SF3B1: variants seen among roughly 807,000 people sequenced by gnomAD.
The protein encoded by SF3B1 is splicing factor 3b subunit 1.
In SF3B1, 12 loss-of-function variants were observed where a neutral mutation model predicts 153.8. The observed-to-expected ratio is 0.08, with a 90% CI of 0.05 to 0.13. SF3B1 has a LOEUF of 0.13. Ranked by LOEUF, SF3B1 falls within the 10% of genes least tolerant of loss-of-function variation. The pLI is 1.00. For missense variants in SF3B1, 513 were observed against 1,606.1 expected (o/e 0.32, Z 11.63); for synonymous variants, 498 against 525.2 (o/e 0.95, Z 0.71).
In SF3B1 at chr2:197,403,539, A is replaced by C. The variant is rs561554617; in HGVS notation, c.1719+46T>G. ...TAAATTTAACATTGATTAACTGAAA[A>C]AGTTAAAACTTTAAACTATCAGAAA... On this transcript the variant is annotated intron_variant, in intron 12 of 24. Transcript: ENST00000335508. The C allele has an allele frequency of 9.1e-6, 12 of 1,318,986 alleles. No individual in the cohort carries two copies. The South Asian group carries it at 1.7e-4, about 19-fold the overall frequency. The allele number at this position is 1,318,986 out of a possible 1,614,324, so 81.7% of individuals were successfully genotyped here. A position where few individuals can be genotyped will look rare whatever the true frequency, so the allele number is the denominator to read the frequency against.
intron 22 of SF3B1, among the ~76,000 whole-genome samples, chr2:197,397,752 G>C (rs2105979011): frequency 6.7e-6 from 1 of 149,504 alleles, no homozygotes; most frequent in Non-Finnish European, 1.5e-5. Flanking sequence ...AGCCGAGATT[G>C]AATCACTGCA....
chr2:197,411,480 T>C (rs2085066706), intron 6 of SF3B1, among the ~76,000 whole-genome samples: 1 of 151,918 alleles, frequency 6.6e-6, no homozygotes, highest in Non-Finnish European at 1.5e-5. Flanking sequence ...GAGACCATCC[T>C]GGCTAACATG....
rs55824221 is a variant in SF3B1, at chr2:197,424,543, C to A, written c.29-569G>T. Among the ~76,000 whole-genome samples, 1,138 of 150,904 alleles carry A rather than the reference C, an allele frequency of 7.5e-3. 12 individuals are homozygous for A. Among genetic ancestry groups the A allele is most frequent in the African/African-American group, 0.025 (1,014 of 41,114 alleles). ...AAAATATCATCTAACAAACATATAA[C>A]CTAGCTTAAAATGTCCCCAGTTGCC... On this transcript the variant is annotated intron_variant, in intron 1 of 24. Transcript: ENST00000335508.
intron 1 of SF3B1, among the ~76,000 whole-genome samples, chr2:197,430,494 G>A (rs1574561044): frequency 1.3e-5 from 2 of 152,122 alleles, no homozygotes; most frequent in Non-Finnish European, 2.9e-5. Flanking sequence ...TCACTCTGTT[G>A]CCCAAACTGA....
chr2:197,416,992 A>C, intron 5 of SF3B1, 81 bp from the exon 6 acceptor site: 2 of 1,347,348 alleles, frequency 1.5e-6, no homozygotes, highest in Non-Finnish European at 2.1e-6. Context: ...TCCACTTAAC[A>C]TCCTATTTTA....
intron 5 of SF3B1, 81 bp from the exon 6 acceptor site, chr2:197,416,992 ATCC>A: frequency 7.4e-7 from 1 of 1,347,352 alleles, no homozygotes; most frequent in Middle Eastern, 2.5e-4. Flanking sequence ...TCCACTTAAC[ATCC>A]TATTTTATAC....
In SF3B1 at chr2:197,390,874, T is replaced by G. The variant is rs1011678494; in HGVS notation, c.*1429A>C. On this transcript the variant is annotated 3_prime_UTR_variant, in exon 25 of 25. Coordinates refer to ENST00000335508, the MANE Select transcript of SF3B1 (RefSeq NM_012433.4). ...CCTCAGCCTCCCAAAGTGCTGGGAT[T>G]ACAGGCATGAGCCACCACACCCGGC... The G allele has an allele frequency of 3.3e-5, 5 of 152,276 alleles. No homozygotes were observed. Among genetic ancestry groups the G allele is most frequent in the African/African-American group, 1.2e-4 (5 of 41,462 alleles). The allele number at this position is 152,276 out of a possible 1,614,324, so 9.4% of individuals were successfully genotyped here. A position where few individuals can be genotyped will look rare whatever the true frequency, so the allele number is the denominator to read the frequency against.
chr2:197,400,782 A>G lies in SF3B1; in HGVS notation c.2651T>C (p.Ile884Thr), dbSNP rs2084930237. The change falls in exon 18 of 25, where the codon ATT becomes ACT. Residue 884 changes from isoleucine to threonine, a missense_variant. Physicochemically the swap from Ile to Thr is moderately conservative, Grantham distance 89. Around this residue, in one of 21 missense-constraint regions of SF3B1, gnomAD observed 14 missense variants for 17.4 expected, o/e 0.80. Transcript: ENST00000335508. The surrounding 1 kb of genome is among the most constrained non-coding windows in gnomAD (Gnocchi z 5.0). ...KIMGNLGAAD[I>T]DHKLEEQLID... ...CAGTTGTTCTTCAAGTTTATGATCA[A>G]TATCTGCTGCTCCCAAATTACCCAT... 1.2e-6 allele frequency: 2 copies of G among 1,613,522 alleles called. No individual in the cohort carries two copies. The highest frequency in any genetic ancestry group is 1.7e-6 in the Non-Finnish European group (2 of 1,179,610).
At position 197,416,798 on chromosome 2, in the gene SF3B1, T is replaced by G. The variant is rs1261950772; in HGVS notation, c.609A>C (p.Thr203=). Residue 203 remains threonine (T), a synonymous_variant, in exon 6 of 25, where the codon ACA becomes ACC. Coordinates refer to ENST00000335508, the MANE Select transcript of SF3B1 (RefSeq NM_012433.4). ...PSKRKRRWDQ[T]ADQTPGATPK... Reference sequence around the variant, plus strand: ...GAGTGGCACCAGGAGTCTGATCAGCTGTTTGATCCCAACGCCGTTTTCGTT... The same window carrying G: ...GAGTGGCACCAGGAGTCTGATCAGCGGTTTGATCCCAACGCCGTTTTCGTT... The G allele has an allele frequency of 8.1e-6, 13 of 1,614,214 alleles. No homozygotes were observed. Among genetic ancestry groups the G allele is most frequent in the Non-Finnish European group, 1.1e-5 (13 of 1,180,022 alleles).
At chr2:197,426,015 G>A (rs1458363400) in intron 1 of SF3B1, among the ~76,000 whole-genome samples, 2 of 151,700 alleles carry the variant, frequency 1.3e-5, no homozygotes, top group Non-Finnish European at 2.9e-5. Context: ...CAGAAAGAAA[G>A]AAACTCAAAA....
chr2:197,393,001 G>A lies in SF3B1; in HGVS notation c.3727C>T (p.Pro1243Ser), dbSNP rs749492909. 1 of 1,610,698 alleles carries A rather than the reference G, an allele frequency of 6.2e-7. No individual in the cohort carries two copies. The highest frequency in any genetic ancestry group is 1.1e-5 in the South Asian group (1 of 90,998). The stretch of plus-strand genomic sequence containing the variant: ...AAACAATATTGCAACATTCTACATG[G>A]TCCAATAGCAACTCTCAGGCCCTCT... ...ALEGLRVAIG[P>S]CRMLQYCLQG... The change falls in exon 24 of 25, where the codon CCA (proline) becomes TCA (serine). Residue 1243 changes from proline to serine, a missense_variant. By Grantham distance (74) the Pro-to-Ser change is moderately conservative. Transcript: ENST00000335508.
At chr2:197,403,792 TG>T in intron 11 of SF3B1, 28 bp from the exon 12 acceptor site, 1 of 1,519,684 alleles carries the variant, frequency 6.6e-7, no homozygotes, top group Non-Finnish European at 8.8e-7. Flanking sequence ...GTAATAGGTG[TG>T]GTTTCTTTAT....
intron 1 of SF3B1, among the ~76,000 whole-genome samples, chr2:197,428,002 A>G (rs1323497213): frequency 6.6e-6 from 1 of 151,944 alleles, no homozygotes; most frequent in Non-Finnish European, 1.5e-5. Context: ...TAGGCGACAG[A>G]GCAAGACTCC....
At chr2:197,434,193 C>T (rs945427558) in intron 1 of SF3B1, among the ~76,000 whole-genome samples, 21 of 152,172 alleles carry the variant, frequency 1.4e-4, no homozygotes, top group African/African-American at 4.6e-4. Flanking sequence ...TCTCATGCCT[C>T]GTCTTTTCTG....
At chr2:197,405,044 CA>C in intron 11 of SF3B1, 31 bp downstream of exon 11, 4 of 1,407,378 alleles carry the variant, frequency 2.8e-6, no homozygotes, top group Non-Finnish European at 3.9e-6. Flanking sequence ...AAATAAGCAA[CA>C]AACATGACAA....
At chr2:197,403,812 ATT>A in intron 11 of SF3B1, 48 bp from the exon 12 acceptor site, 1 of 1,375,480 alleles carries the variant, frequency 7.3e-7, no homozygotes, top group Middle Eastern at 1.8e-4. Context: ...ATAATCAAAC[ATT>A]TTGAATGAGC....
intron 6 of SF3B1, among the ~76,000 whole-genome samples, chr2:197,415,322 A>G (rs1481313702): frequency 6.6e-6 from 1 of 151,982 alleles, no homozygotes; most frequent in Non-Finnish European, 1.5e-5. Flanking sequence ...GCGTAATCTC[A>G]GCTCACTACA....
chr2:197,409,845 C>A lies in SF3B1; in HGVS notation c.829G>T (p.Ala277Ser). Residue 277 changes from alanine to serine, a missense_variant, in exon 7 of 25, where the codon GCG becomes TCG. By Grantham distance (99) the Ala-to-Ser change is moderately conservative (BLOSUM62 1). Around this residue, in one of 21 missense-constraint regions of SF3B1, gnomAD observed 91 missense variants for 157.4 expected, o/e 0.58. Coordinates refer to ENST00000335508, the MANE Select transcript of SF3B1 (RefSeq NM_012433.4). ...GTTGCGCCTCCATGGCCTGGTGTCG[C>A]ATGGCCTGGTGTATCACCTCGTCCA... ...TPGRGDTPGH[A>S]TPGHGGATSS... 6.2e-7 allele frequency: 1 copy of A among 1,614,112 alleles called. No homozygotes were observed.
intron 1 of SF3B1, among the ~76,000 whole-genome samples, chr2:197,434,452 C>G (rs180685543): frequency 2.8e-4 from 42 of 152,246 alleles, no homozygotes; most frequent in Non-Finnish European, 4.9e-4. Flanking sequence ...AGATTTTATC[C>G]CCAAATCGTT....
Sources: allele counts gnomAD v4.1 joint callset (sites outside exome capture counted in the v4.1 genomes callset), GRCh38; gene constraint gnomAD v4.1.1; regional missense constraint gnomAD v4.1.1; non-coding constraint Gnocchi (gnomAD v3.1); transcripts MANE v1.5; gene names NCBI Gene and HGNC (gene_info 2026-07-23, HGNC 2026-07-21).